The following STAT2 variants were observed in gnomAD, a reference collection of about 807,000 sequenced individuals.
STAT2 encodes signal transducer and activator of transcription 2.
A neutral mutation model predicts 122.3 loss-of-function variants in STAT2; 51 were observed. That is an observed-to-expected ratio of 0.42 (90% CI 0.33 to 0.53). The LOEUF (loss-of-function observed/expected upper bound fraction) is 0.53. Ranked by LOEUF, STAT2 falls within the 20% of genes least tolerant of loss-of-function variation. The pLI, the probability that STAT2 is intolerant of heterozygous loss-of-function variation, is 0.10. For missense variants in STAT2, 736 were observed against 1,010.3 expected (o/e 0.73, Z 3.68); for synonymous variants, 351 against 394.9 (o/e 0.89, Z 1.32).
intron 19 of STAT2, 79 bp from the exon 20 acceptor site, chr12:56,347,034 T>G: frequency 6.4e-7 from 1 of 1,564,998 alleles, no homozygotes; most frequent in Non-Finnish European, 8.7e-7. Context: ...TCCCCTTGTA[T>G]GGAGAAACAG....
chr12:56,354,839 T>C lies in STAT2; in HGVS notation c.572A>G (p.His191Arg). 2.5e-6 allele frequency: 4 copies of C among 1,614,142 alleles called. No individual in the cohort carries two copies. Among genetic ancestry groups the C allele is most frequent in the South Asian group, 1.1e-5 (1 of 91,080 alleles). The stretch of plus-strand genomic sequence containing the variant: ...CAGAATCTTCTGCTCTTTGGTCTGA[T>C]GGGGGTCCAGAGAGGGTGTCTTCCC... Reference protein sequence around the residue: ...AKGKTPSLDPHQTKEQKILQE... With the variant: ...AKGKTPSLDPRQTKEQKILQE... The change falls in exon 7 of 24, where the codon CAT becomes CGT. Residue 191 changes from histidine (H) to arginine (R), a missense_variant. His to Arg is a conservative substitution (Grantham distance 29, BLOSUM62 0). Coordinates refer to ENST00000314128, the MANE Select transcript of STAT2 (RefSeq NM_005419.4).
At chr12:56,358,242 CTTTTTTTTTTT>C (rs1197874842) in intron 1 of STAT2, among the ~76,000 whole-genome samples, 1 of 132,626 alleles carries the variant, frequency 7.5e-6, no homozygotes, top group East Asian at 2.2e-4. Flanking sequence ...TTTTTTTTTT[CTTTTTTTTTTT>C]TTCTTTTTTT....
chr12:56,352,704 CTT>C (rs113384062), intron 8 of STAT2, among the ~76,000 whole-genome samples: 8 of 145,248 alleles, frequency 5.5e-5, no homozygotes, highest in African/African-American at 1.0e-4. Context: ...TTTTAATCTA[CTT>C]TTTTTTTTTT....
At chr12:56,350,808 C>G in intron 11 of STAT2, 21 bp downstream of exon 11, 3 of 1,613,600 alleles carry the variant, frequency 1.9e-6, no homozygotes, top group Non-Finnish European at 2.5e-6. Context: ...TCCTGGCCAC[C>G]CTTCACCTGC....
At chr12:56,355,584 GT>G (rs1565659596) in intron 4 of STAT2, 52 bp from the exon 5 acceptor site, 1 of 1,604,116 alleles carries the variant, frequency 6.2e-7, no homozygotes, top group East Asian at 2.2e-5. Context: ...CATGCCTTAA[GT>G]TCAGGCCTGA....
intron 8 of STAT2, among the ~76,000 whole-genome samples, chr12:56,352,035 G>A (rs1241313304): frequency 6.6e-6 from 1 of 152,054 alleles, no homozygotes; most frequent in African/African-American, 2.4e-5. Flanking sequence ...TGGGATTACA[G>A]GTATGTGCCA....
chr12:56,360,022 C>A, intron 1 of STAT2, 36 bp downstream of exon 1: 1 of 984,002 alleles, frequency 1.0e-6, no homozygotes, highest in Non-Finnish European at 1.2e-6. Context: ...CTCTCACCCC[C>A]ACCCCTACCC....
chr12:56,349,860 C>T, intron 13 of STAT2: 1 of 656,550 alleles, frequency 1.5e-6, no homozygotes, highest in Non-Finnish European at 2.6e-6. Context: ...ACCAGCCCGA[C>T]CAATATGGTG....
Position 56,348,570 on chromosome 12 carries a change from C to T in STAT2, c.1683G>A (p.Leu561=). Residue 561 remains leucine (L), a synonymous_variant, in exon 19 of 24, where the codon CTG becomes CTA. Coordinates refer to ENST00000314128, the MANE Select transcript of STAT2 (RefSeq NM_005419.4). ...LPFWTWLDKI[L]ELVHDHLKDL... is the part of the protein sequence containing the mutation. ...CCTTCAGGTGGTCATGTACCAACTC[C>T]AGAATTTTGTCCAGCCATGTCCAGA... 6.2e-7 allele frequency: 1 copy of T among 1,614,174 alleles called. No homozygotes were observed. The highest frequency in any genetic ancestry group is 8.5e-7 in the Non-Finnish European group (1 of 1,180,042).
chr12:56,343,693 A>T, intron 23 of STAT2, 132 bp downstream of exon 23: 1 of 1,513,362 alleles, frequency 6.6e-7, no homozygotes, highest in South Asian at 1.3e-5. Flanking sequence ...TGTAATTCCT[A>T]AAAAAAGGAA....
chr12:56,349,286 A>G (rs751052928), intron 15 of STAT2, 25 bp from the exon 16 acceptor site: 1 of 1,614,158 alleles, frequency 6.2e-7, no homozygotes, highest in Non-Finnish European at 8.5e-7. Flanking sequence ...GGAGTCACAG[A>G]GAGGGATGTG....
Position 56,346,949 on chromosome 12 carries a change from G to A in STAT2, c.1731C>T (p.Ile577=). ...CCTGGCTCCGACTCACAAAGCCCAT[G>A]ATGCGTCTGGAGCACAGAGAGCAGC... The part of the protein sequence containing the change: ...HLKDLWNDGR[I]MGFVSRSQER... Residue 577 remains isoleucine, a synonymous_variant, in exon 20 of 24, where the codon ATC becomes ATT. Transcript: ENST00000314128. 6.2e-7 allele frequency: 1 copy of A among 1,614,146 alleles called. No homozygotes were observed.
At chr12:56,347,896 A>G (rs1160646635) in intron 19 of STAT2, among the ~76,000 whole-genome samples, 1 of 152,152 alleles carries the variant, frequency 6.6e-6, no homozygotes, top group East Asian at 1.9e-4. Flanking sequence ...CTGGATTTGA[A>G]TATCAACTGT....
Position 56,342,386 on chromosome 12 carries a change from G to C in STAT2, c.*1003C>G, listed in dbSNP as rs1356831161. 1 of 151,882 alleles carries C rather than the reference G, an allele frequency of 6.6e-6. No individual in the cohort carries two copies. Among genetic ancestry groups the C allele is most frequent in the Non-Finnish European group, 1.5e-5 (1 of 68,046 alleles). 9.4% of individuals were successfully genotyped at this position (151,882 alleles called of 1,614,324 possible). Reference sequence around the variant, plus strand: ...GGAGGCCAAGGCGTGAGGATCACTTGAGCCCAGTTCAAGACCAGCCTGGGC... The same window carrying C: ...GGAGGCCAAGGCGTGAGGATCACTTCAGCCCAGTTCAAGACCAGCCTGGGC... On this transcript the variant is annotated 3_prime_UTR_variant, in exon 24 of 24. Transcript: ENST00000314128.
intron 8 of STAT2, among the ~76,000 whole-genome samples, chr12:56,354,119 A>T (rs1879131323): frequency 7.0e-6 from 1 of 142,186 alleles, no homozygotes; most frequent in Non-Finnish European, 1.5e-5. Flanking sequence ...TTTGTTTAAT[A>T]AGCTAGGTAA....
At chr12:56,350,391 G>A (rs1878268742) in intron 12 of STAT2, 21 bp downstream of exon 12, 1 of 1,602,086 alleles carries the variant, frequency 6.2e-7, no homozygotes, top group African/African-American at 1.4e-5. Flanking sequence ...GATGTTTGCA[G>A]TGTCCTTGTC....
At chr12:56,345,512 A>T (rs1877262388) in intron 22 of STAT2, among the ~76,000 whole-genome samples, 2 of 28,038 alleles carry the variant, frequency 7.1e-5, no homozygotes, top group Non-Finnish European at 5.7e-5. Context: ...AAAAAAAAAA[A>T]AAAAAAAAAA....
rs113935410 is a variant in STAT2 at position 56,347,073 on chromosome 12, A to G, written c.1725-118T>C. On this transcript the variant is annotated intron_variant, in intron 19 of 23. Coordinates refer to ENST00000314128, the MANE Select transcript of STAT2 (RefSeq NM_005419.4). ...AGGTTTGGAATCCAGGCTTTGGACC[A>G]AGCCCTGCCACTTAGCTTTTTTTTA... 3.9e-5 allele frequency: 57 copies of G among 1,446,370 alleles called. 2 individuals are homozygous for G. The African/African-American group carries it at 7.7e-4, about 19-fold the overall frequency. 89.6% of individuals were successfully genotyped at this position (1,446,370 alleles called of 1,614,324 possible).
Position 56,346,201 on chromosome 12 carries a change from T to G in STAT2, c.2047A>C (p.Asn683His), listed in dbSNP as rs960290991. The change falls in exon 22 of 24, where the codon AAT becomes CAT. Residue 683 changes from asparagine (N) to histidine (H), a missense_variant and splice_region_variant. Transcript: ENST00000314128. ...AFGCYYQEKV[N>H]LQERRKYLKH... The stretch of plus-strand genomic sequence containing the variant: ...AGGTATTTCCTCCGTTCCTGGAGAT[T>G]AACTGTGAGGAACATATACAAGAAG... 1 of 1,614,054 alleles carries G rather than the reference T, an allele frequency of 6.2e-7. No homozygotes were observed. The highest frequency in any genetic ancestry group is 1.1e-5 in the South Asian group (1 of 91,084).
Sources: allele counts gnomAD v4.1 joint callset (sites outside exome capture counted in the v4.1 genomes callset), GRCh38; gene constraint gnomAD v4.1.1; transcripts MANE v1.5; gene names NCBI Gene and HGNC (gene_info 2026-07-23, HGNC 2026-07-21).